The following CNTNAP2 variants were observed in gnomAD, a reference collection of about 807,000 sequenced individuals.
CNTNAP2 encodes contactin-associated protein-like 2.
CNTNAP2 carries 98 observed loss-of-function variants against 155.2 expected under a neutral mutation model. The observed-to-expected ratio is 0.63, with a 90% CI of 0.54 to 0.75. The LOEUF is 0.75. Among genes scored for constraint, CNTNAP2 ranks in the 30% least tolerant of loss-of-function variants. The probability of loss-of-function intolerance (pLI) is 0.00; values close to 1 mark genes in which losing one functional copy is unlikely to be tolerated. For missense variants in CNTNAP2, 1,727 were observed against 1,688.1 expected (o/e 1.02, Z -0.40); for synonymous variants, 651 against 631.2 (o/e 1.03, Z -0.47).
At chr7:146,891,930 A>C (rs1026879841) in intron 3 of CNTNAP2, among the ~76,000 whole-genome samples, 1 of 152,090 alleles carries the variant, frequency 6.6e-6, no homozygotes, top group South Asian at 2.1e-4. Flanking sequence ...ACATTCTACT[A>C]CTCATTGGCA....
chr7:148,259,633 C>T (rs1292743010), intron 20 of CNTNAP2, among the ~76,000 whole-genome samples: 2 of 152,172 alleles, frequency 1.3e-5, no homozygotes, highest in Non-Finnish European at 2.9e-5. Context: ...TCCAGGAGAA[C>T]CCACGCCATT....
intron 4 of CNTNAP2, among the ~76,000 whole-genome samples, chr7:147,085,071 T>C (rs765254048): frequency 1.1e-4 from 17 of 152,240 alleles, no homozygotes; most frequent in Non-Finnish European, 1.6e-4. Context: ...TAGAAAAGCA[T>C]TTTTTGTTGT....
intron 4 of CNTNAP2, among the ~76,000 whole-genome samples, chr7:147,107,318 T>A (rs1055338561): frequency 5.3e-5 from 8 of 152,162 alleles, no homozygotes; most frequent in African/African-American, 1.9e-4. Context: ...AAATGAATCC[T>A]CACAGTCACA....
At chr7:147,691,350 C>T (rs1388652044) in intron 13 of CNTNAP2, among the ~76,000 whole-genome samples, 2 of 152,100 alleles carry the variant, frequency 1.3e-5, no homozygotes, top group East Asian at 1.9e-4. Flanking sequence ...TGATTTGCAG[C>T]ATTTGTCAAT....
At chr7:146,398,394 C>T (rs1795665358) in intron 1 of CNTNAP2, among the ~76,000 whole-genome samples, 2 of 151,766 alleles carry the variant, frequency 1.3e-5, no homozygotes, top group South Asian at 4.2e-4. Flanking sequence ...GGGGGAAGCC[C>T]CTTATAAAAC....
intron 21 of CNTNAP2, among the ~76,000 whole-genome samples, chr7:148,278,352 G>A (rs1172530155): frequency 1.3e-5 from 2 of 152,192 alleles, no homozygotes; most frequent in Non-Finnish European, 1.5e-5. Context: ...AGATCACGAG[G>A]TCAGGAGATT....
At chr7:147,467,234 A>G (rs182109724) in intron 10 of CNTNAP2, among the ~76,000 whole-genome samples, 234 of 152,358 alleles carry the variant, frequency 1.5e-3, no homozygotes, top group Non-Finnish European at 2.7e-3. Context: ...TTCAAATGAT[A>G]TAGTTATATT....
At chr7:146,441,839 C>T (rs1463976687) in intron 1 of CNTNAP2, among the ~76,000 whole-genome samples, 2 of 151,446 alleles carry the variant, frequency 1.3e-5, no homozygotes, top group African/African-American at 4.9e-5. Flanking sequence ...TTGTCTCTTT[C>T]CCAAGAAGTC....
At chr7:147,140,779 A>C (rs1215563156) in intron 8 of CNTNAP2, among the ~76,000 whole-genome samples, 1 of 152,140 alleles carries the variant, frequency 6.6e-6, no homozygotes, top group Non-Finnish European at 1.5e-5. Context: ...AATGCTGTAC[A>C]TAATTTTATG....
intron 13 of CNTNAP2, among the ~76,000 whole-genome samples, chr7:147,837,718 C>G (rs1798655956): frequency 6.6e-6 from 1 of 152,192 alleles, no homozygotes; most frequent in South Asian, 2.1e-4. Flanking sequence ...ATTGGCCAGA[C>G]TGAAGAAGCT....
At chr7:147,265,069 A>G (rs1314314010) in intron 8 of CNTNAP2, among the ~76,000 whole-genome samples, 1 of 152,116 alleles carries the variant, frequency 6.6e-6, no homozygotes, top group African/African-American at 2.4e-5. Context: ...AGCGTTGCTC[A>G]GGTTGTACTT....
At chr7:147,630,950 A>G (rs1366369969) in intron 12 of CNTNAP2, among the ~76,000 whole-genome samples, 1 of 152,068 alleles carries the variant, frequency 6.6e-6, no homozygotes, top group Non-Finnish European at 1.5e-5. Flanking sequence ...TCTATTTAAC[A>G]TAGTACTGGA....
At chr7:146,185,084 C>T (rs938871866) in intron 1 of CNTNAP2, among the ~76,000 whole-genome samples, 2 of 152,080 alleles carry the variant, frequency 1.3e-5, no homozygotes, top group African/African-American at 4.8e-5. Flanking sequence ...AATATTACGT[C>T]CAGTGGTCAG....
chr7:146,842,399 G>C (rs1803745173), intron 3 of CNTNAP2, among the ~76,000 whole-genome samples: 1 of 152,026 alleles, frequency 6.6e-6, no homozygotes, highest in Non-Finnish European at 1.5e-5. Context: ...TTAAAAATCA[G>C]TATGCTACGT....
chr7:146,549,540 C>G (rs1167947348), intron 1 of CNTNAP2, among the ~76,000 whole-genome samples: 1 of 151,948 alleles, frequency 6.6e-6, no homozygotes, highest in Admixed American at 6.6e-5. Context: ...CCTGATGGTG[C>G]CTGTCAGATT....
chr7:146,656,587 G>A (rs1043415484), intron 1 of CNTNAP2, among the ~76,000 whole-genome samples: 1 of 152,090 alleles, frequency 6.6e-6, no homozygotes, highest in African/African-American at 2.4e-5. Flanking sequence ...AACAGACAGG[G>A]GCTGAGTGGC....
intron 21 of CNTNAP2, among the ~76,000 whole-genome samples, chr7:148,331,516 ATGGATGGAATGGATGGACGGATGGAG>A (rs1798011437): frequency 9.8e-6 from 1 of 102,208 alleles, no homozygotes; most frequent in African/African-American, 5.7e-5. Context: ...GGATGGATGG[ATGGATGGAATGGATGGACGGATGGAG>A]TGGATGGATG....
intron 16 of CNTNAP2, among the ~76,000 whole-genome samples, chr7:148,145,865 T>C (rs907158580): frequency 1.3e-5 from 2 of 152,150 alleles, no homozygotes; most frequent in African/African-American, 4.8e-5. Flanking sequence ...AGATGAGATA[T>C]TTTTCTGAAG....
chr7:147,162,635 G>C (rs574871932), intron 8 of CNTNAP2, among the ~76,000 whole-genome samples: 11 of 152,198 alleles, frequency 7.2e-5, no homozygotes, highest in African/African-American at 2.4e-4. Context: ...ATTTAGGTTG[G>C]ATAGCATGTT....
Sources: gnomAD v4.1 joint callset for allele counts (sites outside exome capture counted in the v4.1 genomes callset) on GRCh38, gnomAD v4.1.1 for gene constraint, MANE v1.5 for transcripts, NCBI Gene and HGNC (gene_info 2026-07-23, HGNC 2026-07-21) for gene names.